Variants in ADAMTS9 observed in about 807,000 individuals in gnomAD.
ADAMTS9 encodes ADAM metallopeptidase with thrombospondin type 1 motif 9, also known as A disintegrin and metalloproteinase with thrombospondin motifs 9.
In ADAMTS9, 107 loss-of-function variants were observed where a neutral mutation model predicts 257.1. The ratio of observed to expected loss-of-function variants is 0.42; its 90% CI spans 0.36 to 0.49. The LOEUF is 0.49. ADAMTS9 is among the 20% of genes least tolerant of loss of function. The pLI is 0.03. For missense variants in ADAMTS9, 2,353 were observed against 2,469.1 expected, an observed-to-expected ratio of 0.95 and a Z score of 1.00; for synonymous variants, 982 against 880.9, an observed-to-expected ratio of 1.11 and a Z score of -2.03.
chr3:64,559,892 G>A (rs928805660), intron 30 of ADAMTS9, among the ~76,000 whole-genome samples: 1 of 152,320 alleles, frequency 6.6e-6, no homozygotes, highest in South Asian at 2.1e-4. Flanking sequence ...TCGGAGCAGG[G>A]TTGAGTTTAG....
At chr3:64,612,186 C>T (rs975978323) in intron 22 of ADAMTS9, among the ~76,000 whole-genome samples, 3 of 151,746 alleles carry the variant, frequency 2.0e-5, no homozygotes, top group African/African-American at 7.3e-5. Context: ...TTCCCCTGAA[C>T]TGCATGTTCA....
At chr3:64,681,791 T>C (rs1701764393) in intron 2 of ADAMTS9, among the ~76,000 whole-genome samples, 2 of 152,104 alleles carry the variant, frequency 1.3e-5, no homozygotes, top group Non-Finnish European at 2.9e-5. Flanking sequence ...TCCCAAAGTG[T>C]CATATCAGTA....
chr3:64,680,254 G>C (rs1193640113), intron 3 of ADAMTS9, among the ~76,000 whole-genome samples: 1 of 152,154 alleles, frequency 6.6e-6, no homozygotes, highest in Non-Finnish European at 1.5e-5. Context: ...TTTAGGCCTT[G>C]TTTGGAGATA....
intron 28 of ADAMTS9, among the ~76,000 whole-genome samples, chr3:64,581,607 T>C (rs2084002348): frequency 6.6e-6 from 1 of 152,186 alleles, no homozygotes; most frequent in South Asian, 2.1e-4. Context: ...GCTCAATTTA[T>C]AGCCTAGAAT....
At chr3:64,682,859 A>G (rs1347833797) in intron 2 of ADAMTS9, among the ~76,000 whole-genome samples, 1 of 152,226 alleles carries the variant, frequency 6.6e-6, no homozygotes, top group Admixed American at 6.5e-5. Flanking sequence ...TGGCTCCCCA[A>G]AACAGCTAGC....
chr3:64,557,901 AGTCTG>A (rs985415730), intron 30 of ADAMTS9, among the ~76,000 whole-genome samples: 1 of 152,180 alleles, frequency 6.6e-6, no homozygotes, highest in Admixed American at 6.5e-5. Flanking sequence ...TATATCTGAA[AGTCTG>A]GGCTCTACTC....
intron 3 of ADAMTS9, among the ~76,000 whole-genome samples, chr3:64,663,430 T>C (rs1222134530): frequency 7.7e-5 from 2 of 25,962 alleles, no homozygotes; most frequent in Non-Finnish European, 2.2e-4. Context: ...ATGGAATTCT[T>C]TTTTTTTTTT....
chr3:64,593,762 T>C (rs1023102340), intron 28 of ADAMTS9, among the ~76,000 whole-genome samples: 2 of 152,222 alleles, frequency 1.3e-5, no homozygotes, highest in African/African-American at 4.8e-5. Context: ...GTCTATTTTG[T>C]GGGCACAGAC....
At chr3:64,645,446 G>C (rs1056073831) in intron 11 of ADAMTS9, among the ~76,000 whole-genome samples, 1 of 152,152 alleles carries the variant, frequency 6.6e-6, no homozygotes, top group Non-Finnish European at 1.5e-5. Flanking sequence ...GATTACTGCT[G>C]CAGGAGCAGA....
At chr3:64,547,166 GC>G (rs917932698) in intron 31 of ADAMTS9, among the ~76,000 whole-genome samples, 31 of 152,196 alleles carry the variant, frequency 2.0e-4, no homozygotes, top group African/African-American at 7.5e-4. Context: ...GCTTCCACTG[GC>G]ATCTTCTCAG....
At chr3:64,598,918 C>A (rs1321767338) in intron 26 of ADAMTS9, among the ~76,000 whole-genome samples, 3 of 152,152 alleles carry the variant, frequency 2.0e-5, no homozygotes, top group South Asian at 2.1e-4. Context: ...GTGCTGGTCA[C>A]AGGATTTGCT....
intron 28 of ADAMTS9, among the ~76,000 whole-genome samples, chr3:64,577,953 T>G (rs1296883854): frequency 6.6e-6 from 1 of 152,194 alleles, no homozygotes; most frequent in Non-Finnish European, 1.5e-5. Flanking sequence ...GTAAGCTCAT[T>G]GTGAAAGGAG....
chr3:64,547,438 C>T (rs1398239123), intron 31 of ADAMTS9, among the ~76,000 whole-genome samples: 1 of 150,822 alleles, frequency 6.6e-6, no homozygotes, highest in Non-Finnish European at 1.5e-5. Flanking sequence ...GTTTTCCTTC[C>T]CTCCGTGGTG....
chr3:64,529,982 ATTT>A (rs200385291), intron 38 of ADAMTS9, among the ~76,000 whole-genome samples: 20 of 106,500 alleles, frequency 1.9e-4, no homozygotes, highest in African/African-American at 7.2e-4. Flanking sequence ...CAGTTATTTA[ATTT>A]TTTTTTTTTT....
intron 3 of ADAMTS9, among the ~76,000 whole-genome samples, chr3:64,665,646 C>A (rs918858491): frequency 4.6e-5 from 7 of 152,200 alleles, no homozygotes; most frequent in Non-Finnish European, 8.8e-5. Flanking sequence ...TTAACAATTT[C>A]AAAGCCATGA....
intron 38 of ADAMTS9, among the ~76,000 whole-genome samples, chr3:64,529,645 C>CAAATAAG (rs1255676641): frequency 6.6e-6 from 1 of 152,120 alleles, no homozygotes; most frequent in Non-Finnish European, 1.5e-5. Flanking sequence ...TCATGGAACC[C>CAAATAAG]TGGTTATTTG....
chr3:64,617,934 GC>G (rs1230419799), intron 19 of ADAMTS9, among the ~76,000 whole-genome samples: 1 of 152,150 alleles, frequency 6.6e-6, no homozygotes. Context: ...TTTGGACACA[GC>G]TACTTGACAA....
intron 30 of ADAMTS9, among the ~76,000 whole-genome samples, chr3:64,560,374 T>C (rs1327583891): frequency 6.6e-6 from 1 of 152,066 alleles, no homozygotes. Flanking sequence ...GTGAGTTTCC[T>C]AAAGAAAAGA....
At chr3:64,575,555 C>T (rs190337539) in intron 28 of ADAMTS9, among the ~76,000 whole-genome samples, 2 of 152,212 alleles carry the variant, frequency 1.3e-5, no homozygotes, top group East Asian at 3.9e-4. Flanking sequence ...TGGGTGCTGC[C>T]AACACAGGAA....
Sources: allele counts gnomAD v4.1 joint callset (sites outside exome capture counted in the v4.1 genomes callset), GRCh38; gene constraint gnomAD v4.1.1; transcripts MANE v1.5; gene names NCBI Gene and HGNC (gene_info 2026-07-23, HGNC 2026-07-21).